Variants in MECOM observed in about 807,000 individuals in gnomAD.
MECOM encodes the protein histone-lysine N-methyltransferase MECOM.
In MECOM, 13 loss-of-function variants were observed where a neutral mutation model predicts 116.3. The observed-to-expected ratio is 0.11, with a 90% CI of 0.07 to 0.18. The LOEUF is 0.18. Among genes scored for constraint, MECOM ranks in the 10% least tolerant of loss-of-function variants. The pLI is 1.00. For synonymous variants in MECOM, 528 were observed against 535.2 expected (o/e 0.99, Z 0.19); for missense variants, 1,299 against 1,509.0 (o/e 0.86, Z 2.31).
intron 1 of MECOM, among the ~76,000 whole-genome samples, chr3:169,515,182 T>C (rs1341429437): frequency 6.6e-6 from 1 of 152,004 alleles, no homozygotes; most frequent in Non-Finnish European, 1.5e-5. Flanking sequence ...TGCTTGCAGG[T>C]AGAGAGCACA....
At chr3:169,200,534 G>A (rs1036306470) in intron 2 of MECOM, among the ~76,000 whole-genome samples, 1 of 152,046 alleles carries the variant, frequency 6.6e-6, no homozygotes, top group African/African-American at 2.4e-5. Context: ...GTTCTAATGA[G>A]TAAAGTGGAT....
intron 2 of MECOM, among the ~76,000 whole-genome samples, chr3:169,375,196 C>G (rs1005180904): frequency 4.6e-5 from 7 of 152,008 alleles, no homozygotes; most frequent in African/African-American, 1.7e-4. Context: ...AAATTTGTAA[C>G]ACTAAATGCC....
At chr3:169,120,837 G>T (rs749063322) in intron 7 of MECOM, 38 of 388,856 alleles carry the variant, frequency 9.8e-5, no homozygotes, top group Non-Finnish European at 9.8e-5. Flanking sequence ...ACCTGTTATT[G>T]ATTTCTTCTG....
chr3:169,359,955 A>G (rs535328787), intron 2 of MECOM, among the ~76,000 whole-genome samples: 1 of 151,818 alleles, frequency 6.6e-6, no homozygotes, highest in Non-Finnish European at 1.5e-5. Context: ...GCAGACATTA[A>G]CATTCAGTCT....
intron 1 of MECOM, among the ~76,000 whole-genome samples, chr3:169,658,492 T>C (rs1406779834): frequency 6.6e-6 from 1 of 152,136 alleles, no homozygotes; most frequent in Non-Finnish European, 1.5e-5. Flanking sequence ...GTTTACACTG[T>C]CAATGTAAAC....
chr3:169,419,689 T>C (rs1739372034), intron 1 of MECOM, among the ~76,000 whole-genome samples: 2 of 152,146 alleles, frequency 1.3e-5, no homozygotes, highest in African/African-American at 4.8e-5. Context: ...ATTCAGGACA[T>C]AGGCATAGGC....
chr3:169,296,635 G>A (rs1715660041), intron 2 of MECOM, among the ~76,000 whole-genome samples: 1 of 152,136 alleles, frequency 6.6e-6, no homozygotes, highest in Non-Finnish European at 1.5e-5. Context: ...CAGTTACAAG[G>A]AGCATAACAT....
chr3:169,611,389 T>A lies in MECOM; in HGVS notation c.37+51947A>T, dbSNP rs1171209073. 6.6e-6 allele frequency among the ~76,000 whole-genome samples: 1 copy of A among 152,204 alleles called. No individual in the cohort carries two copies. Among genetic ancestry groups the A allele is most frequent in the African/African-American group, 2.4e-5 (1 of 41,448 alleles). The stretch of plus-strand genomic sequence containing the variant: ...TCAACCATGCGGAGGAACGCTTCCA[T>A]TCACACATTTTGTCCCCCTAACCCT... On this transcript the variant is annotated intron_variant, in intron 1 of 16. Coordinates refer to ENST00000651503, the MANE Select transcript of MECOM (RefSeq NM_004991.4). This position sits in a 1 kb window ranked among gnomAD's most constrained non-coding sequence, Gnocchi z 4.1.
Position 169,088,861 on chromosome 3 carries a change from A to T in MECOM, c.3585+139T>A, listed in dbSNP as rs1718710518. On this transcript the variant is annotated intron_variant, in intron 16 of 16. Coordinates refer to ENST00000651503, the MANE Select transcript of MECOM (RefSeq NM_004991.4). The stretch of plus-strand genomic sequence containing the variant: ...TGGTCATAAATACAGTAAAGATATG[A>T]ACATTTTTAGAAAGGCATCTGACCC... 3 of 695,966 alleles carry T rather than the reference A, an allele frequency of 4.3e-6. No individual in the cohort carries two copies. The East Asian group carries it at 9.5e-5, about 22-fold the overall frequency. The allele number at this position is 695,966 out of a possible 1,614,324, so 43.1% of individuals were successfully genotyped here. A position where few individuals can be genotyped will look rare whatever the true frequency, so the allele number is the denominator to read the frequency against.
At chr3:169,123,303 A>ATGTGTGTG (rs34615103) in intron 5 of MECOM, among the ~76,000 whole-genome samples, 2 of 147,506 alleles carry the variant, frequency 1.4e-5, no homozygotes, top group African/African-American at 2.5e-5. Context: ...ATATGCATGG[A>ATGTGTGTG]TGTGTGTGTG....
intron 2 of MECOM, among the ~76,000 whole-genome samples, chr3:169,295,286 G>T (rs1715385275): frequency 1.3e-5 from 2 of 152,124 alleles, no homozygotes; most frequent in South Asian, 4.1e-4. Context: ...GTTAAAAAAA[G>T]TTAAATTACA....
At chr3:169,556,517 T>C (rs1762051643) in intron 1 of MECOM, among the ~76,000 whole-genome samples, 2 of 152,188 alleles carry the variant, frequency 1.3e-5, no homozygotes, top group South Asian at 2.1e-4. Flanking sequence ...GTAGCCAGAC[T>C]CTTAAGATAG....
chr3:169,282,071 C>A (rs903491698), intron 2 of MECOM, among the ~76,000 whole-genome samples: 1 of 152,128 alleles, frequency 6.6e-6, no homozygotes, highest in Non-Finnish European at 1.5e-5. Context: ...ACCTAAGGAA[C>A]TTACCATTAC....
chr3:169,282,164 T>A (rs1409241001), intron 2 of MECOM, among the ~76,000 whole-genome samples: 1 of 152,182 alleles, frequency 6.6e-6, no homozygotes, highest in Non-Finnish European at 1.5e-5. Flanking sequence ...TGGGGGAGGA[T>A]ATAGAATTGT....
chr3:169,526,452 G>A (rs1051609821), intron 1 of MECOM, among the ~76,000 whole-genome samples: 2 of 152,164 alleles, frequency 1.3e-5, no homozygotes, highest in Admixed American at 1.3e-4. Flanking sequence ...TCTGTCCACT[G>A]ATTCATAAAC....
intron 2 of MECOM, among the ~76,000 whole-genome samples, chr3:169,257,646 C>T (rs1028127086): frequency 6.6e-6 from 1 of 152,084 alleles, no homozygotes; most frequent in African/African-American, 2.4e-5. Context: ...GCAACTCAGC[C>T]AAGGAGGGCA....
At chr3:169,218,863 G>A (rs111772269) in intron 2 of MECOM, among the ~76,000 whole-genome samples, 3,496 of 152,150 alleles carry the variant, frequency 0.023, 62 homozygotes, top group Non-Finnish European at 0.03. Context: ...TTAAATTTGT[G>A]ATGACAGTGG....
intron 2 of MECOM, among the ~76,000 whole-genome samples, chr3:169,350,847 G>A (rs1726201874): frequency 6.6e-6 from 1 of 151,446 alleles, no homozygotes. Flanking sequence ...TTTATTTACT[G>A]GGGGTCTTTC....
intron 2 of MECOM, among the ~76,000 whole-genome samples, chr3:169,262,584 G>A (rs1302324934): frequency 6.6e-6 from 1 of 152,108 alleles, no homozygotes; most frequent in Non-Finnish European, 1.5e-5. Flanking sequence ...GGGCTCTTTA[G>A]AGTCTGTGAT....
Sources: gnomAD v4.1 joint callset for allele counts (sites outside exome capture counted in the v4.1 genomes callset) on GRCh38, gnomAD v4.1.1 for gene constraint, Gnocchi (gnomAD v3.1) non-coding constraint, MANE v1.5 for transcripts, NCBI Gene and HGNC (gene_info 2026-07-23, HGNC 2026-07-21) for gene names.